Variants in SPRYD4 observed in about 807,000 individuals in gnomAD.
SPRYD4 encodes the protein SPRY domain-containing protein 4.
In SPRYD4, 12 loss-of-function variants were observed where a neutral mutation model predicts 16.6. The observed-to-expected ratio is 0.72, with a 90% CI of 0.46 to 1.17. SPRYD4 has a LOEUF of 1.17. SPRYD4 is among the 50% of genes most tolerant of loss of function. The pLI, the probability that SPRYD4 is intolerant of heterozygous loss-of-function variation, is 0.00. For synonymous variants in SPRYD4, 98 were observed against 105.4 expected (o/e 0.93, Z 0.43); for missense variants, 260 against 260.2 (o/e 1.00, Z 0.00).
Position 56,473,248 on chromosome 12 carries a change from G to A in SPRYD4, c.*3671G>A, listed in dbSNP as rs779429545. ...CTTACCCGAATTTCTGCCCCTTCACGCCGTGGGTCTAACTTCCGAGCACAG... is the reference window on the plus strand; with the variant it reads ...CTTACCCGAATTTCTGCCCCTTCACACCGTGGGTCTAACTTCCGAGCACAG... On this transcript the variant is annotated 3_prime_UTR_variant, in exon 2 of 2. Transcript: ENST00000338146. 1.1e-5 allele frequency: 18 copies of A among 1,613,904 alleles called. No homozygotes were observed. The highest frequency in any genetic ancestry group is 2.7e-5 in the African/African-American group (2 of 74,852).
chr12:56,479,305 T>TA lies in SPRYD4; in HGVS notation c.*9729dup, dbSNP rs2136189481. 1 of 1,235,680 alleles carries TA rather than the reference T, an allele frequency of 8.1e-7. No homozygotes were observed. The highest frequency in any genetic ancestry group is 1.5e-5 in the African/African-American group (1 of 65,892). The allele number at this position is 1,235,680 out of a possible 1,614,324, so 76.5% of individuals were successfully genotyped here. On this transcript the variant is annotated 3_prime_UTR_variant, in exon 2 of 2. Coordinates refer to ENST00000338146, the MANE Select transcript of SPRYD4 (RefSeq NM_207344.4). ...TCAGGTTTGGGATCAACAGCTCTGTTACCTTTGGCAAATCAGTTTACCTTT... is the reference window on the plus strand; with the variant it reads ...TCAGGTTTGGGATCAACAGCTCTGTTAACCTTTGGCAAATCAGTTTACCTTT...
In SPRYD4 at chr12:56,469,179, G is replaced by T. The variant is rs764364600; in HGVS notation, c.226G>T (p.Val76Leu). Reference protein sequence around the residue: ...LNVERFREWAVVLADTAVTSG... With the variant: ...LNVERFREWALVLADTAVTSG... ...TGTGGAGCGCTTCCGGGAGTGGGCA[G>T]TGGTGCTGGCAGACACAGCGGTCAC... Residue 76 changes from valine to leucine, a missense_variant, in exon 2 of 2, where the codon GTG becomes TTG. Transcript: ENST00000338146. The T allele has an allele frequency of 1.2e-6, 2 of 1,614,086 alleles. No individual in the cohort carries two copies. Among genetic ancestry groups the T allele is most frequent in the African/African-American group, 1.3e-5 (1 of 74,920 alleles).
chr12:56,469,056 G>A lies in SPRYD4; in HGVS notation c.103G>A (p.Glu35Lys). ...EAQRGVSFKLEEKTAHSSLAL... is the reference protein window; with the variant it reads ...EAQRGVSFKLKEKTAHSSLAL... Reference sequence around the variant, plus strand: ...GCCCGCAGGCGTCAGTTTCAAACTGGAAGAAAAAACCGCCCACAGCAGCCT... The same window carrying A: ...GCCCGCAGGCGTCAGTTTCAAACTGAAAGAAAAAACCGCCCACAGCAGCCT... The change falls in exon 2 of 2, where the codon GAA (glutamate) becomes AAA (lysine). Residue 35 changes from glutamate to lysine, a missense_variant. By Grantham distance (56) the Glu-to-Lys change is moderately conservative. Coordinates refer to ENST00000338146, the MANE Select transcript of SPRYD4 (RefSeq NM_207344.4). The A allele has an allele frequency of 6.4e-7, 1 of 1,571,428 alleles. No individual in the cohort carries two copies. The highest frequency in any genetic ancestry group is 8.6e-7 in the Non-Finnish European group (1 of 1,158,458).
rs1869716442 is a variant in SPRYD4 at position 56,475,430 on chromosome 12, A to T, written c.*5853A>T. 2 of 709,358 alleles carry T rather than the reference A, an allele frequency of 2.8e-6. No homozygotes were observed. The highest frequency in any genetic ancestry group is 5.9e-5 in the Admixed American group (2 of 34,142). 43.9% of individuals were successfully genotyped at this position (709,358 alleles called of 1,614,324 possible). ...CACACTGCCTCTCTCATTATGTACT[A>T]ATTAGAAATGGAACAAATTATTTTA... On this transcript the variant is annotated 3_prime_UTR_variant, in exon 2 of 2. Coordinates refer to ENST00000338146, the MANE Select transcript of SPRYD4 (RefSeq NM_207344.4).
chr12:56,475,095 C>T lies in SPRYD4; in HGVS notation c.*5518C>T. On this transcript the variant is annotated 3_prime_UTR_variant, in exon 2 of 2. Transcript: ENST00000338146. The stretch of plus-strand genomic sequence containing the variant: ...TGGCATAATTCCGATCCCCTGTTTC[C>T]TTCTCTGACTGGAATCTGAAGCAAA... 1 of 1,614,136 alleles carries T rather than the reference C, an allele frequency of 6.2e-7. No individual in the cohort carries two copies. The highest frequency in any genetic ancestry group is 1.1e-5 in the South Asian group (1 of 91,092).
At position 56,469,240 on chromosome 12, in the gene SPRYD4, G is replaced by T. The variant is rs1393528642; in HGVS notation, c.287G>T (p.Arg96Leu). 6.2e-7 allele frequency: 1 copy of T among 1,613,888 alleles called. No individual in the cohort carries two copies. Among genetic ancestry groups the T allele is most frequent in the Non-Finnish European group, 8.5e-7 (1 of 1,179,822 alleles). ...GRHYWEVTVK[R>L]SQQFRIGVAD... The stretch of plus-strand genomic sequence containing the variant: ...CACTACTGGGAAGTGACAGTGAAGC[G>T]CTCCCAGCAGTTCCGGATAGGAGTG... The change falls in exon 2 of 2, where the codon CGC becomes CTC. Residue 96 changes from arginine to leucine, a missense_variant. By Grantham distance (102) the Arg-to-Leu change is moderately radical (BLOSUM62 -2). Transcript: ENST00000338146.
At position 56,469,654 on chromosome 12, in the gene SPRYD4, C is replaced by T; in HGVS notation, c.*77C>T. 1 of 1,366,754 alleles carries T rather than the reference C, an allele frequency of 7.3e-7. No individual in the cohort carries two copies. The highest frequency in any genetic ancestry group is 1.4e-5 in the South Asian group (1 of 70,330). 84.7% of individuals were successfully genotyped at this position (1,366,754 alleles called of 1,614,324 possible). On this transcript the variant is annotated 3_prime_UTR_variant, in exon 2 of 2. Transcript: ENST00000338146. ...AAGTGTCCGAAGCCTTTTTACTTTG[C>T]CTCAAGCAACCTCTAGCTCCCACAA... is the stretch of plus-strand genomic sequence containing the variant.
chr12:56,479,516 G>A lies in SPRYD4; in HGVS notation c.*9939G>A. 2.4e-6 allele frequency: 1 copy of A among 417,232 alleles called. No individual in the cohort carries two copies. Among genetic ancestry groups the A allele is most frequent in the African/African-American group, 2.0e-5 (1 of 49,610 alleles). 25.8% of individuals were successfully genotyped at this position (417,232 alleles called of 1,614,324 possible). On this transcript the variant is annotated 3_prime_UTR_variant, in exon 2 of 2. Transcript: ENST00000338146. ...TTCATGTATGTATGTCAGTACATAG[G>A]ACATTATCTAGAAGATACCCACTAA...
chr12:56,478,965 CAG>C lies in SPRYD4; in HGVS notation c.*9391_*9392del, dbSNP rs1437314588. The stretch of plus-strand genomic sequence containing the variant: ...CACCATTGCACTCCAGCCCGGGTGA[CAG>C]AGCAAAACTCTGTCTCAGGAAAAAA... On this transcript the variant is annotated 3_prime_UTR_variant, in exon 2 of 2. Transcript: ENST00000338146. 9 of 1,497,246 alleles carry C rather than the reference CAG, an allele frequency of 6.0e-6. No individual in the cohort carries two copies. The East Asian group carries it at 1.8e-4, about 30-fold the overall frequency. 92.7% of individuals were successfully genotyped at this position (1,497,246 alleles called of 1,614,324 possible).
rs765243653 is a variant in SPRYD4 at position 56,469,002 on chromosome 12, C to T, written c.86-37C>T. 1.0e-5 allele frequency: 16 copies of T among 1,530,522 alleles called. 1 individual carries two copies. In the South Asian group the frequency reaches 1.3e-4, roughly 12 times the overall value. 94.8% of individuals were successfully genotyped at this position (1,530,522 alleles called of 1,614,324 possible). On this transcript the variant is annotated intron_variant, in intron 1 of 1. Transcript: ENST00000338146. ...TATATCACCAGCCCTAGGGTTCTAG[C>T]CCCTGTTATTATCCCGTCTTTTTGC...
Position 56,477,534 on chromosome 12 carries a change from C to T in SPRYD4, c.*7957C>T. On this transcript the variant is annotated 3_prime_UTR_variant, in exon 2 of 2. Transcript: ENST00000338146. Reference sequence around the variant, plus strand: ...TGGGTCCCTGCTGTGCCTCATGTGCCTTCTGGGGACCCTCAAAGGAATCAG... The same window carrying T: ...TGGGTCCCTGCTGTGCCTCATGTGCTTTCTGGGGACCCTCAAAGGAATCAG... 1 of 955,382 alleles carries T rather than the reference C, an allele frequency of 1.0e-6. No individual in the cohort carries two copies. The highest frequency in any genetic ancestry group is 2.4e-5 in the East Asian group (1 of 41,050). The allele number at this position is 955,382 out of a possible 1,614,324, so 59.2% of individuals were successfully genotyped here. A position where few individuals can be genotyped will look rare whatever the true frequency, so the allele number is the denominator to read the frequency against.
rs374489692 is a variant in SPRYD4, at chr12:56,474,504, C to T, written c.*4927C>T. The T allele has an allele frequency of 1.2e-6, 2 of 1,610,102 alleles. No individual in the cohort carries two copies. Among genetic ancestry groups the T allele is most frequent in the South Asian group, 1.1e-5 (1 of 91,012 alleles). On this transcript the variant is annotated 3_prime_UTR_variant, in exon 2 of 2. Transcript: ENST00000338146. Reference sequence around the variant, plus strand: ...GAGTCAGTGTTCTCTCTTCTTAGCACTGGGCTCATGACAGATGGATAGCAG... The same window carrying T: ...GAGTCAGTGTTCTCTCTTCTTAGCATTGGGCTCATGACAGATGGATAGCAG...
chr12:56,472,643 C>G lies in SPRYD4; in HGVS notation c.*3066C>G. On this transcript the variant is annotated 3_prime_UTR_variant, in exon 2 of 2. Transcript: ENST00000338146. ...GTTACGCTGCCTCCTAGTAAAATCTCTGACCAGGAGTATTTTATTGTGTAT... is the reference window on the plus strand; with the variant it reads ...GTTACGCTGCCTCCTAGTAAAATCTGTGACCAGGAGTATTTTATTGTGTAT... 2 of 1,546,884 alleles carry G rather than the reference C, an allele frequency of 1.3e-6. No individual in the cohort carries two copies. Among genetic ancestry groups the G allele is most frequent in the Non-Finnish European group, 1.8e-6 (2 of 1,119,876 alleles).
rs1020065808 is a variant in SPRYD4, at chr12:56,471,588, T to G, written c.*2011T>G. On this transcript the variant is annotated 3_prime_UTR_variant, in exon 2 of 2. Transcript: ENST00000338146. ...GAGTCCTGGTAATCTTGAAGCAGTT[T>G]GACCACCTCCAGATGGTTGAACTGC... 3 of 1,614,042 alleles carry G rather than the reference T, an allele frequency of 1.9e-6. No homozygotes were observed. The African/African-American group carries it at 4.0e-5, about 22-fold the overall frequency.
chr12:56,478,675 C>T lies in SPRYD4; in HGVS notation c.*9098C>T, dbSNP rs2136188585. The T allele has an allele frequency of 3.9e-6, 1 of 259,158 alleles. No individual in the cohort carries two copies. The highest frequency in any genetic ancestry group is 7.5e-6 in the Non-Finnish European group (1 of 133,424). 16.1% of individuals were successfully genotyped at this position (259,158 alleles called of 1,614,324 possible). A position where few individuals can be genotyped will look rare whatever the true frequency, so the allele number is the denominator to read the frequency against. ...TGCTTCTCATCTCTCATTCATAGGA[C>T]TCCCAGCCCCAGGAAATCTCTGAGA... On this transcript the variant is annotated 3_prime_UTR_variant, in exon 2 of 2. Coordinates refer to ENST00000338146, the MANE Select transcript of SPRYD4 (RefSeq NM_207344.4).
In SPRYD4 at chr12:56,472,326, T is replaced by C; in HGVS notation, c.*2749T>C. On this transcript the variant is annotated 3_prime_UTR_variant, in exon 2 of 2. Coordinates refer to ENST00000338146, the MANE Select transcript of SPRYD4 (RefSeq NM_207344.4). ...AGCCTATAGCCAGATTTGTTGGCTC[T>C]GAATAATCTTTTTTCCATATCCAGA... 1.3e-6 allele frequency: 1 copy of C among 753,972 alleles called. No individual in the cohort carries two copies. Among genetic ancestry groups the C allele is most frequent in the Non-Finnish European group, 2.2e-6 (1 of 445,906 alleles). 46.7% of individuals were successfully genotyped at this position (753,972 alleles called of 1,614,324 possible). A position where few individuals can be genotyped will look rare whatever the true frequency, so the allele number is the denominator to read the frequency against.
At position 56,469,861 on chromosome 12, in the gene SPRYD4, G is replaced by C. The variant is rs1869162939; in HGVS notation, c.*284G>C. On this transcript the variant is annotated 3_prime_UTR_variant, in exon 2 of 2. Coordinates refer to ENST00000338146, the MANE Select transcript of SPRYD4 (RefSeq NM_207344.4). ...CAGTCCCTCTGCCTCCCTTTGCCCA[G>C]GCCTTTCTCAGACTGTATTCCATCC... 6.8e-6 allele frequency: 3 copies of C among 443,560 alleles called. No homozygotes were observed. In the South Asian group the frequency reaches 9.4e-5, roughly 14 times the overall value. 27.5% of individuals were successfully genotyped at this position (443,560 alleles called of 1,614,324 possible). A position where few individuals can be genotyped will look rare whatever the true frequency, so the allele number is the denominator to read the frequency against.
At position 56,472,874 on chromosome 12, in the gene SPRYD4, T is replaced by A; in HGVS notation, c.*3297T>A. The A allele has an allele frequency of 1.8e-5, 12 of 649,978 alleles. No individual in the cohort carries two copies. Among genetic ancestry groups the A allele is most frequent in the Non-Finnish European group, 2.1e-5 (8 of 379,396 alleles). 40.3% of individuals were successfully genotyped at this position (649,978 alleles called of 1,614,324 possible). On this transcript the variant is annotated 3_prime_UTR_variant, in exon 2 of 2. Coordinates refer to ENST00000338146, the MANE Select transcript of SPRYD4 (RefSeq NM_207344.4). ...GCTGAAGTGTTATGGAATGTGCTACTCTGAAATATTCTTTTTTTTTTTTTT... is the reference window on the plus strand; with the variant it reads ...GCTGAAGTGTTATGGAATGTGCTACACTGAAATATTCTTTTTTTTTTTTTT...
Position 56,473,258 on chromosome 12 carries a change from T to C in SPRYD4, c.*3681T>C, listed in dbSNP as rs1869476627. On this transcript the variant is annotated 3_prime_UTR_variant, in exon 2 of 2. Transcript: ENST00000338146. ...TTTCTGCCCCTTCACGCCGTGGGTC[T>C]AACTTCCGAGCACAGTGCCTCAGGT... is the stretch of plus-strand genomic sequence containing the variant. The C allele has an allele frequency of 1.2e-6, 2 of 1,614,172 alleles. No individual in the cohort carries two copies. The highest frequency in any genetic ancestry group is 2.2e-5 in the East Asian group (1 of 44,890).
Sources: gnomAD v4.1 joint callset for allele counts on GRCh38, gnomAD v4.1.1 for gene constraint, MANE v1.5 for transcripts, NCBI Gene and HGNC (gene_info 2026-07-23, HGNC 2026-07-21) for gene names.